The following LYPD4 variants were observed in gnomAD, a reference collection of about 807,000 sequenced individuals.
LYPD4 encodes ly6/PLAUR domain-containing protein 4.
In LYPD4, 20 loss-of-function variants were observed where a neutral mutation model predicts 18.2. The ratio of observed to expected loss-of-function variants is 1.10; its 90% confidence interval spans 0.77 to 1.59. The LOEUF is 1.59. LYPD4 is among the 40% of genes most tolerant of loss of function. The pLI is 0.00. For synonymous variants in LYPD4, 111 were observed against 118.3 expected, an observed-to-expected ratio of 0.94 and a Z score of 0.40; for missense variants, 278 against 300.3, an observed-to-expected ratio of 0.93 and a Z score of 0.55.
chr19:41,840,754 C>T (rs745915433), intron 1 of LYPD4, among the ~76,000 whole-genome samples: 5 of 151,354 alleles, frequency 3.3e-5, no homozygotes, highest in East Asian at 3.9e-4. Flanking sequence ...GGTGTGAACC[C>T]GGGAGGCGGA....
In LYPD4 at chr19:41,844,674, G is replaced by C. The variant is rs1249614931; in HGVS notation, c.-1217C>G. On this transcript the variant is annotated 5_prime_UTR_variant, in exon 1 of 5. Coordinates refer to ENST00000609812, the MANE Select transcript of LYPD4 (RefSeq NM_173506.7). ...AAACGAGGCAACCCGTGCACAGACC[G>C]GGCTTGGTCAACGCCCCAGGGGCGG... The C allele has an allele frequency of 2.0e-5, 3 of 152,318 alleles. No homozygotes were observed. The highest frequency in any genetic ancestry group is 2.9e-5 in the Non-Finnish European group (2 of 68,130). 9.4% of individuals were successfully genotyped at this position (152,318 alleles called of 1,614,324 possible). A position where few individuals can be genotyped will look rare whatever the true frequency, so the allele number is the denominator to read the frequency against.
Position 41,837,279 on chromosome 19 carries a change from A to T in LYPD4, c.605T>A (p.Phe202Tyr). The T allele has an allele frequency of 6.2e-7, 1 of 1,614,052 alleles. No homozygotes were observed. The highest frequency in any genetic ancestry group is 8.5e-7 in the Non-Finnish European group (1 of 1,179,954). ...AREHNQLLADFHHIGSIKVTE... is the reference protein window; with the variant it reads ...AREHNQLLADYHHIGSIKVTE... ...CACTTTGATGCTCCCAATATGATGA[A>T]AATCTGCTAAAAGCTGGTTATGTTC... is the stretch of plus-strand genomic sequence containing the variant. Residue 202 changes from phenylalanine to tyrosine, a missense_variant, in exon 5 of 5, where the codon TTT becomes TAT. Phe to Tyr is a conservative substitution (Grantham distance 22). Transcript: ENST00000609812.
rs528982632 is a variant in LYPD4, at chr19:41,837,836, C to A, written c.538+99G>T. ...GTGCCCTGTCCCTTGCAACCCCAAT[C>A]CCATCTCTGGATCCCACCAGCCTCT... On this transcript the variant is annotated intron_variant, in intron 4 of 4. Transcript: ENST00000609812. The A allele has an allele frequency of 1.5e-5, 20 of 1,293,580 alleles. No individual in the cohort carries two copies. In the Admixed American group the frequency reaches 3.8e-4, roughly 24 times the overall value. 80.1% of individuals were successfully genotyped at this position (1,293,580 alleles called of 1,614,324 possible).
In LYPD4 at chr19:41,837,274, G is replaced by A. The variant is rs2073396285; in HGVS notation, c.610C>T (p.His204Tyr). 1 of 1,614,036 alleles carries A rather than the reference G, an allele frequency of 6.2e-7. No homozygotes were observed. The highest frequency in any genetic ancestry group is 8.5e-7 in the Non-Finnish European group (1 of 1,179,962). ...TCAGTCACTTTGATGCTCCCAATAT[G>A]ATGAAAATCTGCTAAAAGCTGGTTA... is the stretch of plus-strand genomic sequence containing the variant. Reference protein sequence around the residue: ...EHNQLLADFHHIGSIKVTEVL... With the variant: ...EHNQLLADFHYIGSIKVTEVL... Residue 204 changes from histidine to tyrosine, a missense_variant, in exon 5 of 5, where the codon CAT (histidine) becomes TAT (tyrosine). Coordinates refer to ENST00000609812, the MANE Select transcript of LYPD4 (RefSeq NM_173506.7).
Position 41,843,621 on chromosome 19 carries a change from G to A in LYPD4, c.-164C>T, listed in dbSNP as rs1373765832. The A allele has an allele frequency of 1.3e-5, 2 of 151,730 alleles. No individual in the cohort carries two copies. The highest frequency in any genetic ancestry group is 1.9e-4 in the East Asian group (1 of 5,156). The allele number at this position is 151,730 out of a possible 1,614,324, so 9.4% of individuals were successfully genotyped here. On this transcript the variant is annotated 5_prime_UTR_variant, in exon 1 of 5. Coordinates refer to ENST00000609812, the MANE Select transcript of LYPD4 (RefSeq NM_173506.7). ...GACAGCTCCCCTGCCCAGCAGTCCA[G>A]CTAGAGGTCACGTCGGCCACCCTTT...
Position 41,843,848 on chromosome 19 carries a change from T to TA in LYPD4, c.-392dup. The TA allele has an allele frequency of 8.3e-6, 1 of 119,942 alleles. No homozygotes were observed. Among genetic ancestry groups the TA allele is most frequent in the African/African-American group, 3.3e-5 (1 of 30,370 alleles). The allele number at this position is 119,942 out of a possible 1,614,324, so 7.4% of individuals were successfully genotyped here. On this transcript the variant is annotated 5_prime_UTR_variant, in exon 1 of 5. Coordinates refer to ENST00000609812, the MANE Select transcript of LYPD4 (RefSeq NM_173506.7). ...GATGCAGAACAACTGGACCTGGACC[T>TA]AACAAGCTGAGTACAAGTGGAGACG...
upstream of LYPD4, chr19:41,844,771 C>G (rs1166616936): frequency 1.3e-5 from 2 of 152,300 alleles, no homozygotes; most frequent in African/African-American, 4.8e-5. Context: ...CCCCATTGGC[C>G]ACCTGCCTCG....
downstream of LYPD4, chr19:41,835,851 G>C (rs1555830188): frequency 1.0e-6 from 1 of 985,230 alleles, no homozygotes; most frequent in Non-Finnish European, 1.2e-6. Flanking sequence ...AGTTAAGCCT[G>C]TGTCCTCGCC....
Position 41,838,922 on chromosome 19 carries a change from AG to A in LYPD4, c.169del (p.Leu57CysfsTer9). ...WLLMRNMVCKLQEGCEETLVF... is the reference protein window; with the variant it reads ...WLLMRNMVCKXQEGCEETLVF... Reference sequence around the variant, plus strand: ...TAGCGTCTCCTCGCAGCCCTCTTGCAGCTTACACACCATGTTCCTCATCAGA... The same window carrying A: ...TAGCGTCTCCTCGCAGCCCTCTTGCACTTACACACCATGTTCCTCATCAGA... On this transcript the variant is annotated frameshift_variant, in exon 3 of 5. Coordinates refer to ENST00000609812, the MANE Select transcript of LYPD4 (RefSeq NM_173506.7). LOFTEE classifies it high-confidence loss of function. The A allele has an allele frequency of 6.2e-7, 1 of 1,613,980 alleles. No individual in the cohort carries two copies. The highest frequency in any genetic ancestry group is 8.5e-7 in the Non-Finnish European group (1 of 1,180,010).
chr19:41,842,419 G>A (rs967655071), intron 1 of LYPD4, among the ~76,000 whole-genome samples: 2 of 152,094 alleles, frequency 1.3e-5, no homozygotes, highest in African/African-American at 2.4e-5. Flanking sequence ...GGGGATGTAC[G>A]CTATGGAATA....
chr19:41,838,893 A>T lies in LYPD4; in HGVS notation c.199T>A (p.Phe67Ile). 1 of 1,613,942 alleles carries T rather than the reference A, an allele frequency of 6.2e-7. No individual in the cohort carries two copies. Among genetic ancestry groups the T allele is most frequent in the Non-Finnish European group, 8.5e-7 (1 of 1,180,022 alleles). The stretch of plus-strand genomic sequence containing the variant: ...TAGACTGCTTCACCTGTCTCAATGA[A>T]CACTAGCGTCTCCTCGCAGCCCTCT... ...LQEGCEETLV[F>I]IETGTARGVV... The change falls in exon 3 of 5, where the codon TTC becomes ATC. Residue 67 changes from phenylalanine (F) to isoleucine (I), a missense_variant. Phe to Ile is a conservative substitution (Grantham distance 21). Transcript: ENST00000609812.
At chr19:41,838,758 CAT>C (rs782157119) in intron 3 of LYPD4, 121 bp downstream of exon 3, 1,412 of 433,068 alleles carry the variant, frequency 3.3e-3, no homozygotes, top group Middle Eastern at 5.2e-3. Context: ...AATATATATA[CAT>C]ATATATATAT....
downstream of LYPD4, chr19:41,835,705 T>TGGTCATGGA: frequency 4.8e-6 from 4 of 833,816 alleles, no homozygotes; most frequent in Non-Finnish European, 5.8e-6. Flanking sequence ...GAACCTAGAT[T>TGGTCATGGA]GGTCATGGAG....
intron 1 of LYPD4, among the ~76,000 whole-genome samples, chr19:41,839,940 T>A (rs1057101868): frequency 1.3e-5 from 2 of 151,400 alleles, no homozygotes; most frequent in South Asian, 2.1e-4. Context: ...TCCCAGCTAC[T>A]CAGGAGGCTG....
chr19:41,837,225 G>A lies in LYPD4; in HGVS notation c.659C>T (p.Ser220Phe), dbSNP rs782308348. 1.2e-5 allele frequency: 19 copies of A among 1,613,956 alleles called. No homozygotes were observed. Among genetic ancestry groups the A allele is most frequent in the Admixed American group, 1.7e-5 (1 of 60,004 alleles). The change falls in exon 5 of 5, where the codon TCT becomes TTT. Residue 220 changes from serine to phenylalanine, a missense_variant. Physicochemically the swap from Ser to Phe is radical, Grantham distance 155. Coordinates refer to ENST00000609812, the MANE Select transcript of LYPD4 (RefSeq NM_173506.7). The stretch of plus-strand genomic sequence containing the variant: ...GGAGGATGCTGCACCAACAATCTGA[G>A]ACTTCTCTAAGATGTTGAGGACCTC... The part of the protein sequence containing the change: ...VTEVLNILEK[S>F]QIVGAASSRQ...
At chr19:41,839,062 TATC>T (rs1555832442) in intron 2 of LYPD4, 38 bp from the exon 3 acceptor site, 3 of 1,611,892 alleles carry the variant, frequency 1.9e-6, no homozygotes, top group Non-Finnish European at 1.7e-6. Flanking sequence ...TGGCCCCTCA[TATC>T]ATCTTCTGAG....
In LYPD4 at chr19:41,839,679, GT is replaced by G. The variant is rs74545144; in HGVS notation, c.-120-275del. The G allele has an allele frequency of 6.7e-3, 1,036 of 154,000 alleles. 21 individuals carry two copies. Among genetic ancestry groups the G allele is most frequent in the South Asian group, 0.013 (133 of 9,878 alleles). 9.5% of individuals were successfully genotyped at this position (154,000 alleles called of 1,614,324 possible). A position where few individuals can be genotyped will look rare whatever the true frequency, so the allele number is the denominator to read the frequency against. ...AAATAGATGTTTCAAACTCGTGTGT[GT>G]TGTGTGTGTGTGTGTGTGTGTGTGT... On this transcript the variant is annotated intron_variant, in intron 1 of 4. Coordinates refer to ENST00000609812, the MANE Select transcript of LYPD4 (RefSeq NM_173506.7).
intron 1 of LYPD4, among the ~76,000 whole-genome samples, chr19:41,840,933 T>C (rs2073567300): frequency 6.6e-6 from 1 of 151,956 alleles, no homozygotes; most frequent in African/African-American, 2.4e-5. Context: ...TATCAGGAAA[T>C]GTGAAGCATT....
chr19:41,835,710 A>G (rs1344504370), downstream of LYPD4: 2 of 879,396 alleles, frequency 2.3e-6, no homozygotes, highest in Non-Finnish European at 2.7e-6. Flanking sequence ...TAGATTGGTC[A>G]TGGAGGTCAC....
Sources: allele counts gnomAD v4.1 joint callset (sites outside exome capture counted in the v4.1 genomes callset), GRCh38; gene constraint gnomAD v4.1.1; transcripts MANE v1.5; gene names NCBI Gene and HGNC (gene_info 2026-07-23, HGNC 2026-07-21).